SCRG1: variants seen among roughly 807,000 people sequenced by gnomAD.
SCRG1 encodes stimulator of chondrogenesis 1.
In SCRG1, 3 loss-of-function variants were observed where a neutral mutation model predicts 7.7. The ratio of observed to expected loss-of-function variants is 0.39; its 90% CI spans 0.18 to 1.01. The LOEUF is 1.01. Ranked by LOEUF, SCRG1 falls within the 50% of genes least tolerant of loss-of-function variation. The pLI is 0.36. For missense variants in SCRG1, 110 were observed against 117.2 expected (o/e 0.94, Z 0.28); for synonymous variants, 46 against 41.2 (o/e 1.12, Z -0.44).
At chr4:173,440,064 G>A in the SCRG1 span, among the ~76,000 whole-genome samples, 12 of 152,094 alleles carry the variant, frequency 7.9e-5, no homozygotes, top group Non-Finnish European at 1.6e-4. Context: ...TTAGTTTTAT[G>A]GTGTATTTAA....
the SCRG1 span, among the ~76,000 whole-genome samples, chr4:173,460,332 G>A: frequency 1.3e-5 from 2 of 152,160 alleles, no homozygotes; most frequent in Admixed American, 1.3e-4. Flanking sequence ...ACACCAGCTG[G>A]GGCAGCCAAA....
chr4:173,509,498 T>C, the SCRG1 span, among the ~76,000 whole-genome samples: 2 of 152,176 alleles, frequency 1.3e-5, no homozygotes, highest in African/African-American at 4.8e-5. This position sits in a 1 kb window ranked among gnomAD's most constrained non-coding sequence, Gnocchi z 5.7. Context: ...CCGGCCTCCT[T>C]GGAGGGCGGT....
the SCRG1 span, among the ~76,000 whole-genome samples, chr4:173,449,981 C>T: frequency 1.1e-4 from 16 of 152,116 alleles, no homozygotes; most frequent in African/African-American, 3.6e-4. Context: ...AAATTGTTTC[C>T]ATATCAGGCT....
At chr4:173,406,965 T>TG (rs1157139394), upstream of SCRG1, among the ~76,000 whole-genome samples, 1 of 152,080 alleles carries the variant, frequency 6.6e-6, no homozygotes, top group Non-Finnish European at 1.5e-5. Context: ...CTCAGCACTT[T>TG]GGGGGGCCGA....
the SCRG1 span, among the ~76,000 whole-genome samples, chr4:173,452,178 G>C: frequency 6.6e-6 from 1 of 151,900 alleles, no homozygotes; most frequent in Admixed American, 6.6e-5. Context: ...AGCGGTTGCA[G>C]TGAACTGAGA....
chr4:173,492,209 C>T, the SCRG1 span, among the ~76,000 whole-genome samples: 5 of 152,164 alleles, frequency 3.3e-5, no homozygotes, highest in South Asian at 1.0e-3. Context: ...AGTCATTGAG[C>T]CTTAGCAAAA....
chr4:173,406,131 G>A (rs1195286169), intron 1 of SCRG1: 1 of 152,214 alleles, frequency 6.6e-6, no homozygotes, highest in Non-Finnish European at 1.5e-5. Flanking sequence ...AATCATTTGA[G>A]CTTCCTCCTC....
the SCRG1 span, among the ~76,000 whole-genome samples, chr4:173,450,980 G>A: frequency 6.6e-6 from 1 of 152,136 alleles, no homozygotes; most frequent in East Asian, 1.9e-4. Context: ...GGAAGGGGGA[G>A]GAGCTAAAGA....
the SCRG1 span, among the ~76,000 whole-genome samples, chr4:173,431,383 G>A: frequency 1.3e-5 from 2 of 152,190 alleles, no homozygotes; most frequent in Non-Finnish European, 2.9e-5. Flanking sequence ...TTCCAAAAGG[G>A]TAGAAACAGC....
At chr4:173,518,108 C>G in the SCRG1 span, among the ~76,000 whole-genome samples, 12 of 152,378 alleles carry the variant, frequency 7.9e-5, no homozygotes, top group African/African-American at 2.9e-4. Flanking sequence ...ACAATATTCG[C>G]TCTCTCTAGG....
the SCRG1 span, among the ~76,000 whole-genome samples, chr4:173,484,106 A>ATAATATG: frequency 3.5e-5 from 3 of 86,318 alleles, no homozygotes; most frequent in Non-Finnish European, 4.0e-5. Flanking sequence ...TATATAATAT[A>ATAATATG]TAATATATAA....
chr4:173,489,168 T>C, the SCRG1 span, among the ~76,000 whole-genome samples: 2 of 152,182 alleles, frequency 1.3e-5, no homozygotes, highest in Admixed American at 6.5e-5. Context: ...AGATAATAGA[T>C]TCATGCATAA....
chr4:173,476,711 C>T, the SCRG1 span, among the ~76,000 whole-genome samples: 1 of 152,088 alleles, frequency 6.6e-6, no homozygotes. Flanking sequence ...GTCCTAGTTA[C>T]TCAGGAGGCT....
chr4:173,479,152 A>G, the SCRG1 span, among the ~76,000 whole-genome samples: 2 of 152,198 alleles, frequency 1.3e-5, no homozygotes, highest in African/African-American at 4.8e-5. Flanking sequence ...TTGGCATGTA[A>G]TAGCCATAAA....
In SCRG1 at chr4:173,388,349, T is replaced by G. The variant is rs772658377; in HGVS notation, c.289A>C (p.Asn97His). 3.7e-6 allele frequency: 6 copies of G among 1,611,446 alleles called. No individual in the cohort carries two copies. Among genetic ancestry groups the G allele is most frequent in the Non-Finnish European group, 5.1e-6 (6 of 1,178,416 alleles). ...PKISFVIPCN[N>H]Q ...AGAATACATGAAGATTCTCATTGAT[T>G]GTTGCAAGGAATCACGAAAGAGATC... The change falls in exon 3 of 3, where the codon AAT (asparagine) becomes CAT (histidine). Residue 97 changes from asparagine to histidine, a missense_variant. By Grantham distance (68) the Asn-to-His change is moderately conservative. Transcript: ENST00000296506.
chr4:173,462,445 T>A, the SCRG1 span, among the ~76,000 whole-genome samples: 14 of 152,278 alleles, frequency 9.2e-5, no homozygotes, highest in South Asian at 8.3e-4. Context: ...TGCCCTAAAA[T>A]AGTATATCCA....
the SCRG1 span, among the ~76,000 whole-genome samples, chr4:173,482,984 T>C: frequency 1.5e-5 from 2 of 132,200 alleles, no homozygotes; most frequent in Admixed American, 8.8e-5. Flanking sequence ...ATATATAATA[T>C]ATTATATATT....
the SCRG1 span, among the ~76,000 whole-genome samples, chr4:173,502,902 G>A: frequency 1.3e-5 from 2 of 152,226 alleles, no homozygotes; most frequent in Non-Finnish European, 2.9e-5. This position sits in a 1 kb window ranked among gnomAD's most constrained non-coding sequence, Gnocchi z 4.6. Context: ...ATTAGGGTCT[G>A]ATCACTATAG....
chr4:173,443,943 TTG>T, the SCRG1 span, among the ~76,000 whole-genome samples: 8,752 of 138,660 alleles, frequency 0.063, 334 homozygotes, highest in African/African-American at 0.12. Context: ...AGAGCTTGTT[TTG>T]TGTGTGTGTG....
Sources: gnomAD v4.1 joint callset for allele counts (sites outside exome capture counted in the v4.1 genomes callset) on GRCh38, gnomAD v4.1.1 for gene constraint, Gnocchi (gnomAD v3.1) non-coding constraint, MANE v1.5 for transcripts, NCBI Gene and HGNC (gene_info 2026-07-23, HGNC 2026-07-21) for gene names.